The following CD33 variants were observed in gnomAD, a reference collection of about 807,000 sequenced individuals.
CD33 encodes myeloid cell surface antigen CD33.
A neutral mutation model predicts 31.4 loss-of-function variants in CD33; 25 were observed. The ratio of observed to expected loss-of-function variants is 0.80; its 90% CI spans 0.58 to 1.11. The LOEUF is 1.11. Ranked by LOEUF, CD33 falls within the 50% of genes most tolerant of loss-of-function variation. CD33 has a pLI of 0.00. For missense variants in CD33, 407 were observed against 448.1 expected (o/e 0.91, Z 0.83); for synonymous variants, 176 against 180.6 (o/e 0.97, Z 0.20).
At chr19:51,223,776 CTG>C, upstream of CD33, among the ~76,000 whole-genome samples, 1 of 152,310 alleles carries the variant, frequency 6.6e-6, no homozygotes, top group Non-Finnish European at 1.5e-5. Context: ...GTCATTGACA[CTG>C]TGCAAATCAG....
chr19:51,219,775 G>A, the CD33 span, among the ~76,000 whole-genome samples: 1 of 152,084 alleles, frequency 6.6e-6, no homozygotes, highest in African/African-American at 2.4e-5. Context: ...TTTGTCTAGT[G>A]GGATGATTAT....
At chr19:51,214,552 G>A in the CD33 span, among the ~76,000 whole-genome samples, 1 of 152,164 alleles carries the variant, frequency 6.6e-6, no homozygotes, top group African/African-American at 2.4e-5. Context: ...GTACATCATT[G>A]TAGATTTAAT....
At chr19:51,235,331 G>C (rs1981705239) in intron 5 of CD33, 78 bp downstream of exon 5, 2 of 1,412,986 alleles carry the variant, frequency 1.4e-6, no homozygotes, top group South Asian at 1.2e-5. Context: ...TGGAGGGGCT[G>C]TGAGGGCTGG....
intron 4 of CD33, among the ~76,000 whole-genome samples, chr19:51,233,671 G>A (rs1015097595): frequency 1.3e-5 from 2 of 152,242 alleles, no homozygotes; most frequent in Non-Finnish European, 1.5e-5. Context: ...TGTGCTCAGA[G>A]CTTGTGAGGA....
At chr19:51,216,782 G>A in the CD33 span, among the ~76,000 whole-genome samples, 1 of 152,134 alleles carries the variant, frequency 6.6e-6, no homozygotes, top group African/African-American at 2.4e-5. Context: ...ATCATGCAGG[G>A]AAAGAAGCAT....
chr19:51,224,087 A>G (rs1215042233), upstream of CD33, among the ~76,000 whole-genome samples: 1 of 151,616 alleles, frequency 6.6e-6, no homozygotes, highest in Non-Finnish European at 1.5e-5. Context: ...AACAAACCTG[A>G]GAGGAGTTTC....
At chr19:51,239,383 T>C in intron 6 of CD33, 135 bp from the exon 7 acceptor site, 1 of 609,612 alleles carries the variant, frequency 1.6e-6, no homozygotes, top group South Asian at 2.7e-5. Context: ...CCTTAATTAA[T>C]TAACATTTGA....
intron 2 of CD33, 53 bp from the exon 3 acceptor site, chr19:51,225,750 C>T: frequency 6.4e-7 from 1 of 1,573,760 alleles, no homozygotes; most frequent in Non-Finnish European, 8.7e-7. Flanking sequence ...TTCTCTCAGG[C>T]CCTCACCTGG....
At chr19:51,219,542 A>G in the CD33 span, among the ~76,000 whole-genome samples, 1 of 152,078 alleles carries the variant, frequency 6.6e-6, no homozygotes, top group Non-Finnish European at 1.5e-5. Flanking sequence ...ATTGCTCTAG[A>G]TAGGACTTTC....
chr19:51,217,591 G>T, the CD33 span, among the ~76,000 whole-genome samples: 1 of 151,872 alleles, frequency 6.6e-6, no homozygotes, highest in Non-Finnish European at 1.5e-5. Context: ...TGTTGTTGTT[G>T]TATTTTTAGT....
chr19:51,217,586 T>C, the CD33 span, among the ~76,000 whole-genome samples: 1 of 152,056 alleles, frequency 6.6e-6, no homozygotes, highest in South Asian at 2.1e-4. Flanking sequence ...ATTTTTGTTG[T>C]TGTTGTATTT....
At chr19:51,236,115 A>ACG (rs1389523226) in intron 6 of CD33, 13 of 442,832 alleles carry the variant, frequency 2.9e-5, no homozygotes, top group Non-Finnish European at 5.4e-5. Context: ...CCGACATAGC[A>ACG]CCACTGCACT....
the CD33 span, among the ~76,000 whole-genome samples, chr19:51,218,927 C>T: frequency 1.3e-5 from 2 of 152,102 alleles, no homozygotes; most frequent in East Asian, 1.9e-4. Flanking sequence ...TTTACTATAG[C>T]CTTGTGGCAT....
the CD33 span, chr19:51,211,231 A>T: frequency 5.4e-5 from 84 of 1,568,738 alleles, 5 homozygotes; most frequent in Admixed American, 2.0e-4. Context: ...GGATCCAAAA[A>T]TCCGGCTGCA....
At position 51,225,344 on chromosome 19, in the gene CD33, C is replaced by T. The variant is rs780479679; in HGVS notation, c.164C>T (p.Pro55Leu). 5.3e-5 allele frequency: 86 copies of T among 1,614,184 alleles called. 1 individual carries two copies. The highest frequency in any genetic ancestry group is 6.9e-5 in the Non-Finnish European group (81 of 1,180,036). ...HPIPYYDKNS[P>L]VHGYWFREGA... ...ATACCCTACTACGACAAGAACTCCC[C>T]AGTTCATGGTTACTGGTTCCGGGAA... Residue 55 changes from proline to leucine, a missense_variant, in exon 2 of 7, where the codon CCA (proline) becomes CTA (leucine). Coordinates refer to ENST00000262262, the MANE Select transcript of CD33 (RefSeq NM_001772.4).
chr19:51,212,887 G>A, the CD33 span, among the ~76,000 whole-genome samples: 46 of 152,272 alleles, frequency 3.0e-4, no homozygotes, highest in African/African-American at 6.5e-4. Flanking sequence ...CCTGTAGGAC[G>A]CCTGTGGTAT....
At chr19:51,214,237 C>A in the CD33 span, among the ~76,000 whole-genome samples, 1 of 133,288 alleles carries the variant, frequency 7.5e-6, no homozygotes. Flanking sequence ...CTCACTCTGT[C>A]ACCCAGGCTG....
the CD33 span, among the ~76,000 whole-genome samples, chr19:51,214,479 A>G: frequency 2.6e-5 from 4 of 152,162 alleles, no homozygotes; most frequent in Non-Finnish European, 5.9e-5. Context: ...TACAGGCGTG[A>G]GCCACTGTGC....
At chr19:51,218,330 G>A in the CD33 span, among the ~76,000 whole-genome samples, 8 of 152,242 alleles carry the variant, frequency 5.3e-5, no homozygotes, top group East Asian at 1.5e-3. Context: ...GTCTTCTTTT[G>A]AAAACTGCCT....
Sources: allele counts gnomAD v4.1 joint callset (sites outside exome capture counted in the v4.1 genomes callset), GRCh38; gene constraint gnomAD v4.1.1; transcripts MANE v1.5; gene names NCBI Gene and HGNC (gene_info 2026-07-23, HGNC 2026-07-21).